The following UTP4 variants were observed in gnomAD, a reference collection of about 807,000 sequenced individuals.
The protein encoded by UTP4 is U3 small nucleolar RNA-associated protein 4 homolog.
In UTP4, 45 loss-of-function variants were observed where a neutral mutation model predicts 82.4. That is an observed-to-expected ratio of 0.55 (90% CI 0.43 to 0.70). The LOEUF is 0.70. Ranked by LOEUF, UTP4 falls within the 30% of genes least tolerant of loss-of-function variation. The probability of loss-of-function intolerance (pLI) is 0.00; values close to 1 mark genes in which losing one functional copy is unlikely to be tolerated. For synonymous variants in UTP4, 348 were observed against 300.3 expected (o/e 1.16, Z -1.64); for missense variants, 819 against 858.3 (o/e 0.95, Z 0.57).
intron 2 of UTP4, among the ~76,000 whole-genome samples, chr16:69,136,023 C>CT (rs1962803550): frequency 6.6e-6 from 1 of 152,170 alleles, no homozygotes; most frequent in Admixed American, 6.6e-5. Context: ...GAGCGAAACT[C>CT]TGTCTCCAAA....
intron 14 of UTP4, 48 bp from the exon 15 acceptor site, chr16:69,165,293 T>C: frequency 6.5e-7 from 1 of 1,530,974 alleles, no homozygotes; most frequent in Non-Finnish European, 9.1e-7. Flanking sequence ...GCCCTTCTGG[T>C]CTTTCTGAGT....
chr16:69,135,853 C>T (rs1190869927), intron 2 of UTP4, among the ~76,000 whole-genome samples: 3 of 152,098 alleles, frequency 2.0e-5, no homozygotes, highest in Non-Finnish European at 4.4e-5. Context: ...TGGAGAAACC[C>T]CGTCTCTACT....
Position 69,167,126 on chromosome 16 carries a change from G to A in UTP4, c.1885G>A (p.Glu629Lys). 1.2e-6 allele frequency: 2 copies of A among 1,613,990 alleles called. No homozygotes were observed. The highest frequency in any genetic ancestry group is 1.7e-6 in the Non-Finnish European group (2 of 1,179,926). Residue 629 changes from glutamate (E) to lysine (K), a missense_variant, in exon 16 of 17, where the codon GAA becomes AAA. Physicochemically the swap from Glu to Lys is moderately conservative, Grantham distance 56. Transcript: ENST00000314423. ...LLYNPFPPTN[E>K]SDVIRRRTAH... is the part of the protein sequence containing the mutation. ...CTACAATCCATTTCCTCCCACGAATGAATCAGATGTCATCCGGAGGCGCAC... is the reference window on the plus strand; with the variant it reads ...CTACAATCCATTTCCTCCCACGAATAAATCAGATGTCATCCGGAGGCGCAC...
chr16:69,136,091 G>C (rs1438673830), intron 2 of UTP4, among the ~76,000 whole-genome samples: 1 of 152,228 alleles, frequency 6.6e-6, no homozygotes, highest in Admixed American at 6.5e-5. Flanking sequence ...ACCTTCATTT[G>C]CCTCATGCAA....
intron 8 of UTP4, among the ~76,000 whole-genome samples, chr16:69,152,053 C>T (rs1474255914): frequency 1.3e-5 from 2 of 150,714 alleles, no homozygotes; most frequent in African/African-American, 2.4e-5. Context: ...TTGAGGCATA[C>T]TTGATATATT....
In UTP4 at chr16:69,167,147, C is replaced by T. The variant is rs61185783; in HGVS notation, c.1906C>T (p.Arg636Cys). 0.036 allele frequency: 58,273 copies of T among 1,612,542 alleles called. 1,189 individuals carry two copies. Among genetic ancestry groups the T allele is most frequent in the Non-Finnish European group, 0.039 (46,423 of 1,178,616 alleles). The change falls in exon 16 of 17, where the codon CGC becomes TGC. Residue 636 changes from arginine to cysteine, a missense_variant. Coordinates refer to ENST00000314423, the MANE Select transcript of UTP4 (RefSeq NM_032830.3). ...PTNESDVIRRRTAHAFKISKI... is the reference protein window; with the variant it reads ...PTNESDVIRRCTAHAFKISKI... The stretch of plus-strand genomic sequence containing the variant: ...GAATGAATCAGATGTCATCCGGAGG[C>T]GCACAGCTCATGCTTTTAAAATTTC...
intron 6 of UTP4, among the ~76,000 whole-genome samples, chr16:69,145,611 G>T (rs185461876): frequency 1.3e-5 from 2 of 151,860 alleles, no homozygotes; most frequent in East Asian, 3.9e-4. Flanking sequence ...CGTTGGAGGT[G>T]GGGGAGTGTT....
Position 69,168,970 on chromosome 16 carries a change from G to A in UTP4, c.*33G>A, listed in dbSNP as rs746602140. ...CACTGTCTGTGTCCTTCCTTGAACT[G>A]TCTACCCTGTTGCTTTTCACAAATC... On this transcript the variant is annotated 3_prime_UTR_variant, in exon 17 of 17. Transcript: ENST00000314423. The A allele has an allele frequency of 7.9e-7, 1 of 1,271,346 alleles. No individual in the cohort carries two copies. Among genetic ancestry groups the A allele is most frequent in the South Asian group, 1.2e-5 (1 of 84,242 alleles). 78.8% of individuals were successfully genotyped at this position (1,271,346 alleles called of 1,614,324 possible).
chr16:69,150,445 C>T, intron 6 of UTP4, 92 bp from the exon 7 acceptor site: 1 of 1,381,154 alleles, frequency 7.2e-7, no homozygotes, highest in African/African-American at 1.4e-5. Flanking sequence ...ATAGGTTTAC[C>T]CCTAAGCTGC....
intron 6 of UTP4, among the ~76,000 whole-genome samples, chr16:69,148,980 C>G (rs1029617885): frequency 2.6e-5 from 4 of 151,810 alleles, no homozygotes; most frequent in African/African-American, 7.3e-5. Context: ...TTATTTCTTT[C>G]ATTCTTTTTA....
Position 69,143,303 on chromosome 16 carries a change from G to T in UTP4, c.652G>T (p.Val218Leu). 6.2e-7 allele frequency: 1 copy of T among 1,614,200 alleles called. No individual in the cohort carries two copies. The highest frequency in any genetic ancestry group is 1.3e-5 in the African/African-American group (1 of 75,056). ...TIISVDSAGK[V>L]QFWDSATGTL... ...CATAAGTGTGGACTCTGCTGGGAAGGTGCAGTTCTGGGACTCAGCCACTGG... is the reference window on the plus strand; with the variant it reads ...CATAAGTGTGGACTCTGCTGGGAAGTTGCAGTTCTGGGACTCAGCCACTGG... The change falls in exon 6 of 17, where the codon GTG becomes TTG. Residue 218 changes from valine to leucine, a missense_variant. Physicochemically the swap from Val to Leu is conservative, Grantham distance 32. Coordinates refer to ENST00000314423, the MANE Select transcript of UTP4 (RefSeq NM_032830.3).
rs1272820177 is a variant in UTP4 at position 69,150,697 on chromosome 16, T to A, written c.899T>A (p.Leu300Gln). The A allele has an allele frequency of 3.1e-6, 5 of 1,614,212 alleles. No individual in the cohort carries two copies. Among genetic ancestry groups the A allele is most frequent in the Non-Finnish European group, 4.2e-6 (5 of 1,180,046 alleles). Residue 300 changes from leucine to glutamine, a missense_variant, in exon 7 of 17, where the codon CTG becomes CAG. Coordinates refer to ENST00000314423, the MANE Select transcript of UTP4 (RefSeq NM_032830.3). ...ACTGTGGCCCACAGCCCAACAGCGC[T>A]GATATCTGGAGGTGGGTTCCCCCTC... ...VRTVAHSPTALISGGTDTHLV... is the reference protein window; with the variant it reads ...VRTVAHSPTAQISGGTDTHLV...
At chr16:69,167,028 A>T (rs12931566) in intron 15 of UTP4, 47 bp from the exon 16 acceptor site, 112,445 of 1,300,118 alleles carry the variant, frequency 0.086, 5,767 homozygotes, top group Middle Eastern at 0.13. Context: ...GGTCTGCAGA[A>T]GCCCAATAAA....
At chr16:69,159,242 ATTTT>A (rs938849860) in intron 12 of UTP4, among the ~76,000 whole-genome samples, 2 of 147,490 alleles carry the variant, frequency 1.4e-5, no homozygotes, top group African/African-American at 5.0e-5. Context: ...ACGCCCAGCT[ATTTT>A]TTTTTTGTAC....
At chr16:69,139,772 C>T (rs183273814) in intron 4 of UTP4, 53 bp from the exon 5 acceptor site, 2 of 1,202,816 alleles carry the variant, frequency 1.7e-6, no homozygotes, top group East Asian at 2.3e-5. Flanking sequence ...CTCAGTTACT[C>T]TTCGTATATT....
intron 1 of UTP4, 39 bp downstream of exon 1, chr16:69,132,728 C>T: frequency 3.9e-6 from 1 of 254,424 alleles, no homozygotes; most frequent in South Asian, 3.0e-5. Flanking sequence ...GCTGCGAGAG[C>T]TGGGGGGGTC....
chr16:69,165,233 A>G, intron 14 of UTP4, 108 bp from the exon 15 acceptor site: 1 of 924,164 alleles, frequency 1.1e-6, no homozygotes, highest in South Asian at 1.5e-5. Flanking sequence ...TAGAATGAAT[A>G]TAATACAGTT....
intron 13 of UTP4, among the ~76,000 whole-genome samples, chr16:69,161,608 A>G (rs1193793027): frequency 2.0e-5 from 3 of 152,260 alleles, no homozygotes; most frequent in Non-Finnish European, 4.4e-5. Flanking sequence ...ATTTACTCAG[A>G]GGGAAAGGCT....
chr16:69,135,828 C>CCAGCCTGACCA (rs1900501785), intron 2 of UTP4, among the ~76,000 whole-genome samples: 1 of 152,054 alleles, frequency 6.6e-6, no homozygotes, highest in Non-Finnish European at 1.5e-5. Context: ...GAATTCGAGA[C>CCAGCCTGACCA]CAGCCTGACC....
Sources: allele counts gnomAD v4.1 joint callset (sites outside exome capture counted in the v4.1 genomes callset), GRCh38; gene constraint gnomAD v4.1.1; transcripts MANE v1.5; gene names NCBI Gene and HGNC (gene_info 2026-07-23, HGNC 2026-07-21).